The following GNAI1 variants were observed in gnomAD, a reference collection of about 807,000 sequenced individuals.
The protein encoded by GNAI1 is G protein subunit alpha i1.
Under a neutral mutation model 38.9 loss-of-function variants are expected in GNAI1, and 11 were observed. That is an observed-to-expected ratio of 0.28 (90% CI 0.18 to 0.47). The LOEUF (loss-of-function observed/expected upper bound fraction) is 0.47. Ranked by LOEUF, GNAI1 falls within the 20% of genes least tolerant of loss-of-function variation. The pLI is 0.99. For synonymous variants in GNAI1, 166 were observed against 145.1 expected (o/e 1.14, Z -1.04); for missense variants, 317 against 436.9 (o/e 0.73, Z 2.45).
At chr7:80,143,767 T>TG (rs2116078711) in intron 1 of GNAI1, among the ~76,000 whole-genome samples, 1 of 152,288 alleles carries the variant, frequency 6.6e-6, no homozygotes, top group African/African-American at 2.4e-5. Flanking sequence ...GAATACTACA[T>TG]GGTACATACA....
chr7:80,223,159 G>T lies in GNAI1; in HGVS notation c.*5666G>T, dbSNP rs1219967520. ...TTAAGTTGGACCATCATACGTTGGGGACCATCTGTACATAGAGTAGGACTC... is the reference window on the plus strand; with the variant it reads ...TTAAGTTGGACCATCATACGTTGGGTACCATCTGTACATAGAGTAGGACTC... On this transcript the variant is annotated 3_prime_UTR_variant, in exon 8 of 8. Transcript: ENST00000649796. Among the ~76,000 whole-genome samples, 2 of 152,180 alleles carry T rather than the reference G, an allele frequency of 1.3e-5. No individual in the cohort carries two copies. The highest frequency in any genetic ancestry group is 4.8e-5 in the African/African-American group (2 of 41,446).
At chr7:80,162,103 C>T (rs1290063153) in intron 1 of GNAI1, among the ~76,000 whole-genome samples, 2 of 152,022 alleles carry the variant, frequency 1.3e-5, no homozygotes, top group African/African-American at 2.4e-5. Flanking sequence ...GAATGGAGTC[C>T]TCATGATGGG....
intron 1 of GNAI1, among the ~76,000 whole-genome samples, chr7:80,180,031 A>G (rs1482955928): frequency 5.3e-5 from 8 of 152,160 alleles, no homozygotes; most frequent in Non-Finnish European, 1.2e-4. Context: ...TCCGCTCACA[A>G]ATGTGAGAGA....
chr7:80,140,083 A>G (rs895613493), intron 1 of GNAI1, among the ~76,000 whole-genome samples: 1 of 150,278 alleles, frequency 6.7e-6, no homozygotes, highest in East Asian at 2.0e-4. Context: ...TCCCGGGTTC[A>G]CGCCATTCTC....
intron 1 of GNAI1, among the ~76,000 whole-genome samples, chr7:80,152,138 A>G (rs1196120163): frequency 1.3e-5 from 2 of 152,142 alleles, no homozygotes; most frequent in Middle Eastern, 3.2e-3. Flanking sequence ...TTTTTGATAG[A>G]TAAGGAATTT....
At chr7:80,184,409 C>T (rs572845649) in intron 1 of GNAI1, among the ~76,000 whole-genome samples, 4 of 152,136 alleles carry the variant, frequency 2.6e-5, no homozygotes, top group South Asian at 2.1e-4. Flanking sequence ...TGTTCACATG[C>T]GCAGTGGCCT....
At chr7:80,196,511 CAAGATAAA>C (rs1207957553) in intron 3 of GNAI1, among the ~76,000 whole-genome samples, 1 of 151,940 alleles carries the variant, frequency 6.6e-6, no homozygotes, top group African/African-American at 2.4e-5. Context: ...CATTCCATGG[CAAGATAAA>C]ATCGTTGTCA....
chr7:80,212,042 T>C (rs1380725544), intron 6 of GNAI1, among the ~76,000 whole-genome samples: 1 of 152,128 alleles, frequency 6.6e-6, no homozygotes, highest in Non-Finnish European at 1.5e-5. Context: ...TGGACTTGAG[T>C]GTATGCACAT....
rs372292112 is a variant in GNAI1 at position 80,212,797 on chromosome 7, C to T, written c.802C>T (p.Leu268=). ...TACAGATACATCCATTATACTTTTT[C>T]TAAACAAGAAGGATCTCTTTGAAGA... is the stretch of plus-strand genomic sequence containing the variant. The part of the protein sequence containing the change: ...WFTDTSIILF[L]NKKDLFEEKI... Residue 268 remains leucine (L), a synonymous_variant, in exon 7 of 8, where the codon CTA becomes TTA. Coordinates refer to ENST00000649796, the MANE Select transcript of GNAI1 (RefSeq NM_002069.6). 3.8e-4 allele frequency: 597 copies of T among 1,578,178 alleles called. 7 individuals are homozygous for T. The South Asian group carries it at 6.6e-3, about 17-fold the overall frequency.
intron 1 of GNAI1, among the ~76,000 whole-genome samples, chr7:80,157,492 G>A (rs1287097242): frequency 6.6e-6 from 1 of 152,164 alleles, no homozygotes; most frequent in East Asian, 1.9e-4. Context: ...TATGGTAAGA[G>A]TGAGTTTAAT....
intron 1 of GNAI1, among the ~76,000 whole-genome samples, chr7:80,187,684 T>C (rs1238013462): frequency 3.3e-5 from 5 of 151,932 alleles, no homozygotes. Flanking sequence ...ATAGTGAAAA[T>C]CCTGGGCCCG....
intron 1 of GNAI1, among the ~76,000 whole-genome samples, chr7:80,182,988 G>T (rs1197959139): frequency 1.3e-5 from 2 of 152,160 alleles, no homozygotes; most frequent in African/African-American, 2.4e-5. Flanking sequence ...AGGTGCCCAT[G>T]AAGTCAAGTT....
chr7:80,178,415 A>G (rs1788230765), intron 1 of GNAI1, among the ~76,000 whole-genome samples: 1 of 152,178 alleles, frequency 6.6e-6, no homozygotes, highest in Non-Finnish European at 1.5e-5. Flanking sequence ...TGCTGCAGAA[A>G]AATCTTTCTT....
At chr7:80,147,048 A>G (rs1375767440) in intron 1 of GNAI1, among the ~76,000 whole-genome samples, 1 of 152,228 alleles carries the variant, frequency 6.6e-6, no homozygotes, top group African/African-American at 2.4e-5. Flanking sequence ...AAAAACTATA[A>G]TTAGTGATAA....
Position 80,217,487 on chromosome 7 carries a change from C to CA in GNAI1, c.1059_1060insA (p.Phe354IlefsTer16), listed in dbSNP as rs1163836293. The CA allele has an allele frequency of 6.3e-7, 1 of 1,590,148 alleles. No individual in the cohort carries two copies. Among genetic ancestry groups the CA allele is most frequent in the Non-Finnish European group, 8.6e-7 (1 of 1,168,132 alleles). Reference sequence around the variant, plus strand: ...AAAATAATCTAAAAGATTGTGGTCTCTTTTAAGTTTTGCAGTTCATGGTAA... The same window carrying CA: ...AAAATAATCTAAAAGATTGTGGTCTCATTTTAAGTTTTGCAGTTCATGGTAA... On this transcript the variant is annotated frameshift_variant, in exon 8 of 8. Coordinates refer to ENST00000649796, the MANE Select transcript of GNAI1 (RefSeq NM_002069.6). LOFTEE classifies it high-confidence loss of function.
rs938769542 is a variant in GNAI1 at position 80,222,754 on chromosome 7, T to C, written c.*5261T>C. On this transcript the variant is annotated 3_prime_UTR_variant, in exon 8 of 8. Transcript: ENST00000649796. Reference sequence around the variant, plus strand: ...CATGCATAGAATACTAGACAGAGACTATTTTAGCAGATAAGAGTGCCACTT... The same window carrying C: ...CATGCATAGAATACTAGACAGAGACCATTTTAGCAGATAAGAGTGCCACTT... Among the ~76,000 whole-genome samples, 1 of 152,222 alleles carries C rather than the reference T, an allele frequency of 6.6e-6. No individual in the cohort carries two copies. Among genetic ancestry groups the C allele is most frequent in the Non-Finnish European group, 1.5e-5 (1 of 68,038 alleles).
At chr7:80,203,386 A>T (rs1788721280) in intron 4 of GNAI1, among the ~76,000 whole-genome samples, 1 of 152,086 alleles carries the variant, frequency 6.6e-6, no homozygotes, top group South Asian at 2.1e-4. Flanking sequence ...AAACAAACTC[A>T]TGGTGTGTAT....
At chr7:80,149,444 A>G (rs368952568) in intron 1 of GNAI1, among the ~76,000 whole-genome samples, 7 of 152,234 alleles carry the variant, frequency 4.6e-5, no homozygotes, top group Middle Eastern at 3.4e-3. Flanking sequence ...TCCAGTTTCT[A>G]TCCCTACAGG....
intron 1 of GNAI1, among the ~76,000 whole-genome samples, chr7:80,175,364 A>ATT (rs1554349432): frequency 1.3e-5 from 2 of 150,372 alleles, no homozygotes; most frequent in African/African-American, 4.9e-5. Flanking sequence ...GTGTATATTT[A>ATT]TGTGTGTGTG....
Sources: allele counts gnomAD v4.1 joint callset (sites outside exome capture counted in the v4.1 genomes callset), GRCh38; gene constraint gnomAD v4.1.1; transcripts MANE v1.5; gene names NCBI Gene and HGNC (gene_info 2026-07-23, HGNC 2026-07-21).